FAM193B: variants seen among roughly 807,000 people sequenced by gnomAD.
The protein encoded by FAM193B is family with sequence similarity 193 member B.
Under a neutral mutation model 70.7 loss-of-function variants are expected in FAM193B, and 27 were observed. The ratio of observed to expected loss-of-function variants is 0.38; its 90% CI spans 0.28 to 0.53. FAM193B has a LOEUF of 0.53. Among genes scored for constraint, FAM193B ranks in the 20% least tolerant of loss-of-function variants. FAM193B has a pLI of 0.81. For synonymous variants in FAM193B, 448 were observed against 436.0 expected (o/e 1.03, Z -0.34); for missense variants, 1,022 against 1,072.5 (o/e 0.95, Z 0.66).
intron 3 of FAM193B, 56 bp from the exon 4 acceptor site, chr5:177,536,801 AAGCCCAC>A (rs1318434292): frequency 6.5e-7 from 1 of 1,530,628 alleles, no homozygotes; most frequent in Non-Finnish European, 8.8e-7. Flanking sequence ...CTGGGAAGGA[AAGCCCAC>A]AGGCTCACTG....
chr5:177,521,439 G>C (rs1373418027), intron 8 of FAM193B, among the ~76,000 whole-genome samples: 2 of 152,216 alleles, frequency 1.3e-5, no homozygotes, highest in African/African-American at 4.8e-5. Flanking sequence ...CATGGAGCTT[G>C]CCCTGCTTTG....
chr5:177,546,664 G>A (rs907140936), intron 1 of FAM193B, among the ~76,000 whole-genome samples: 3 of 152,290 alleles, frequency 2.0e-5, no homozygotes, highest in African/African-American at 7.2e-5. Context: ...TCAGTGCCCT[G>A]GAGCTGTTAC....
At position 177,532,333 on chromosome 5, in the gene FAM193B, A is replaced by C. The variant is rs528228800; in HGVS notation, c.1275+110T>G. ...CGCAGGTGCAAGGACTCACGGCCCCAGCACGGTAATTACCACCGTGAGCAA... is the reference window on the plus strand; with the variant it reads ...CGCAGGTGCAAGGACTCACGGCCCCCGCACGGTAATTACCACCGTGAGCAA... On this transcript the variant is annotated intron_variant, in intron 5 of 8. Transcript: ENST00000514747. This position sits in a 1 kb window ranked among gnomAD's most constrained non-coding sequence, Gnocchi z 4.9. 8 of 1,493,498 alleles carry C rather than the reference A, an allele frequency of 5.4e-6. No homozygotes were observed. In the East Asian group the frequency reaches 2.0e-4, roughly 37 times the overall value. 92.5% of individuals were successfully genotyped at this position (1,493,498 alleles called of 1,614,324 possible).
Position 177,536,421 on chromosome 5 carries a change from C to A in FAM193B, c.1013G>T (p.Gly338Val). 6.2e-7 allele frequency: 1 copy of A among 1,604,430 alleles called. No individual in the cohort carries two copies. Among genetic ancestry groups the A allele is most frequent in the Non-Finnish European group, 8.5e-7 (1 of 1,177,130 alleles). ...GAGGAGAGGCCCACTGCAGTGCCCACCACAGTGCCCGCTGCAGGGGTGGCT... is the reference window on the plus strand; with the variant it reads ...GAGGAGAGGCCCACTGCAGTGCCCAACACAGTGCCCGCTGCAGGGGTGGCT... The part of the protein sequence containing the change: ...GCSHPCSGHC[G>V]GHCSGPLLPP... Residue 338 changes from glycine to valine, a missense_variant, in exon 4 of 9, where the codon GGT (glycine) becomes GTT (valine). Physicochemically the swap from Gly to Val is moderately radical, Grantham distance 109. Transcript: ENST00000514747.
intron 8 of FAM193B, among the ~76,000 whole-genome samples, chr5:177,521,533 G>A (rs563844054): frequency 1.4e-4 from 22 of 152,356 alleles, no homozygotes; most frequent in Admixed American, 1.0e-3. Context: ...CTTCAGCTGG[G>A]AAGTACCTTG....
chr5:177,548,971 T>G (rs1765820115), intron 1 of FAM193B, among the ~76,000 whole-genome samples: 1 of 148,420 alleles, frequency 6.7e-6, no homozygotes, highest in South Asian at 2.1e-4. Flanking sequence ...TTCCTTCCTT[T>G]GTTTAGACTC....
chr5:177,544,274 A>G (rs1173138653), intron 1 of FAM193B, among the ~76,000 whole-genome samples: 6 of 152,120 alleles, frequency 3.9e-5, no homozygotes, highest in African/African-American at 1.4e-4. Context: ...AGCCATTAAA[A>G]CCATTATCTC....
chr5:177,531,876 G>GT, intron 5 of FAM193B: 1 of 1,185,542 alleles, frequency 8.4e-7, no homozygotes, highest in Non-Finnish European at 1.1e-6. Context: ...TAGCTCAAAG[G>GT]TGACTAGCAA....
At chr5:177,544,862 A>G (rs1765226085) in intron 1 of FAM193B, among the ~76,000 whole-genome samples, 2 of 152,230 alleles carry the variant, frequency 1.3e-5, no homozygotes, top group Non-Finnish European at 1.5e-5. Context: ...ATTATTTGGA[A>G]AGGCTACTGA....
intron 4 of FAM193B, among the ~76,000 whole-genome samples, chr5:177,534,291 A>T (rs201870266): frequency 2.2e-5 from 3 of 134,802 alleles, no homozygotes; most frequent in Admixed American, 7.7e-5. Context: ...AGCAAAACTG[A>T]TTTTTTTTTT....
intron 1 of FAM193B, among the ~76,000 whole-genome samples, chr5:177,546,046 G>A (rs1049982551): frequency 6.6e-6 from 1 of 152,194 alleles, no homozygotes; most frequent in African/African-American, 2.4e-5. Context: ...CAGAAGCAGA[G>A]AAAATGATTA....
Position 177,538,262 on chromosome 5 carries a change from G to A in FAM193B, c.454-155C>T, listed in dbSNP as rs1041940986. Among the ~76,000 whole-genome samples, 6 of 152,200 alleles carry A rather than the reference G, an allele frequency of 3.9e-5. No individual in the cohort carries two copies. Among genetic ancestry groups the A allele is most frequent in the Admixed American group, 2.6e-4 (4 of 15,286 alleles). On this transcript the variant is annotated intron_variant, in intron 2 of 8. Transcript: ENST00000514747. The surrounding 1 kb of genome is among the most constrained non-coding windows in gnomAD (Gnocchi z 4.1). ...TACAACTCCAGCTATAAGAACAAAT[G>A]AGGGCCAGGCCTTTGCTGGGAAAGG... is the stretch of plus-strand genomic sequence containing the variant.
In FAM193B at chr5:177,532,589, G is replaced by A; in HGVS notation, c.1129C>T (p.Leu377=). 1.3e-6 allele frequency: 2 copies of A among 1,593,790 alleles called. No individual in the cohort carries two copies. Among genetic ancestry groups the A allele is most frequent in the Non-Finnish European group, 1.7e-6 (2 of 1,173,588 alleles). The change falls in exon 5 of 9, where the codon CTG becomes TTG. Residue 377 remains leucine, a synonymous_variant. Transcript: ENST00000514747. The surrounding 1 kb of genome is among the most constrained non-coding windows in gnomAD (Gnocchi z 4.9). The stretch of plus-strand genomic sequence containing the variant: ...TCATCTGCCTCGCAGGGCTGGGGCA[G>A]CTGGCAAGCCAGGCCACTGTGTGCA... ...KFAHSGLACQ[L]PQPCEADEGL... is the part of the protein sequence containing the mutation.
chr5:177,553,401 G>T, intron 1 of FAM193B: 1 of 1,037,006 alleles, frequency 9.6e-7, no homozygotes, highest in Non-Finnish European at 1.2e-6. Flanking sequence ...GTCAGAGCAA[G>T]CTTAGGGAGA....
Position 177,525,087 on chromosome 5 carries a change from T to G in FAM193B, c.1394A>C (p.Asp465Ala). 1 of 1,594,818 alleles carries G rather than the reference T, an allele frequency of 6.3e-7. No individual in the cohort carries two copies. Among genetic ancestry groups the G allele is most frequent in the South Asian group, 1.1e-5 (1 of 88,788 alleles). The change falls in exon 6 of 9, where the codon GAT becomes GCT. Residue 465 changes from aspartate (D) to alanine (A), a missense_variant. Transcript: ENST00000514747. ...RLLEWPDREL[D>A]RVNSFLSSRL... ...GCTGCTCAGGAAGCTGTTGACCCGA[T>G]CCAGTTCCCGGTCGGGCCACTCCAA...
At chr5:177,550,694 T>C (rs1340438238) in intron 1 of FAM193B, among the ~76,000 whole-genome samples, 1 of 152,178 alleles carries the variant, frequency 6.6e-6, no homozygotes, top group Non-Finnish European at 1.5e-5. Flanking sequence ...CCAAGAGAGA[T>C]GAAAGACAGC....
intron 1 of FAM193B, among the ~76,000 whole-genome samples, chr5:177,548,707 G>A (rs1431457260): frequency 6.6e-6 from 1 of 152,120 alleles, no homozygotes; most frequent in Non-Finnish European, 1.5e-5. Flanking sequence ...TATTAGCTTG[G>A]GGCAAGGGAG....
At position 177,536,620 on chromosome 5, in the gene FAM193B, G is replaced by A; in HGVS notation, c.814C>T (p.Pro272Ser). The change falls in exon 4 of 9, where the codon CCA (proline) becomes TCA (serine). Residue 272 changes from proline to serine, a missense_variant. Pro to Ser is a moderately conservative substitution (Grantham distance 74). Transcript: ENST00000514747. Reference sequence around the variant, plus strand: ...GTGGGCAGCAGGTGTGGGTGGGGTGGGGAGCCAAAGGAGCTGGGGTGAGAC... The same window carrying A: ...GTGGGCAGCAGGTGTGGGTGGGGTGAGGAGCCAAAGGAGCTGGGGTGAGAC... ...IPSHPSSFGS[P>S]PHPHLLPTTP... is the part of the protein sequence containing the mutation. 13 of 1,557,218 alleles carry A rather than the reference G, an allele frequency of 8.3e-6. No individual in the cohort carries two copies. Among genetic ancestry groups the A allele is most frequent in the Non-Finnish European group, 1.1e-5 (13 of 1,159,256 alleles).
At chr5:177,525,761 A>G (rs1488525527) in intron 5 of FAM193B, among the ~76,000 whole-genome samples, 1 of 152,268 alleles carries the variant, frequency 6.6e-6, no homozygotes, top group African/African-American at 2.4e-5. Context: ...AGTGTGCCCA[A>G]TGGCATACCA....
Sources: allele counts gnomAD v4.1 joint callset (sites outside exome capture counted in the v4.1 genomes callset), GRCh38; gene constraint gnomAD v4.1.1; non-coding constraint Gnocchi (gnomAD v3.1); transcripts MANE v1.5; gene names NCBI Gene and HGNC (gene_info 2026-07-23, HGNC 2026-07-21).